The following FRMPD3 variants were observed in gnomAD, a reference collection of about 807,000 sequenced individuals.
The protein encoded by FRMPD3 is FERM and PDZ domain-containing protein 3.
FRMPD3 carries 42 observed loss-of-function variants against 97.9 expected under a neutral mutation model. That is an observed-to-expected ratio of 0.43 (90% CI 0.34 to 0.55). The LOEUF (loss-of-function observed/expected upper bound fraction) is 0.55, where lower values mean the gene tolerates loss of function less well. Among genes scored for constraint, FRMPD3 ranks in the 20% least tolerant of loss-of-function variants. The pLI, the probability that FRMPD3 is intolerant of heterozygous loss-of-function variation, is 0.03. For synonymous variants in FRMPD3, 577 were observed against 581.1 expected (o/e 0.99, Z 0.10); for missense variants, 1,303 against 1,457.7 (o/e 0.89, Z 1.73).
intron 8 of FRMPD3, among the ~76,000 whole-genome samples, chrX:107,557,794 T>C (rs1401234816): frequency 1.8e-5 from 1 of 54,186 alleles, no homozygotes; most frequent in East Asian, 5.6e-4. Flanking sequence ...AAAAATCTGT[T>C]GTCTATATAT....
chrX:107,487,105 AT>A (rs1226298195), intron 1 of FRMPD3, among the ~76,000 whole-genome samples: 27 of 108,078 alleles, frequency 2.5e-4, no homozygotes, highest in African/African-American at 8.1e-4. Context: ...AAAAAAAAAA[AT>A]AACTGAGCGT....
In FRMPD3 at chrX:107,601,839, A is replaced by C; in HGVS notation, c.3800A>C (p.Tyr1267Ser). 11 of 1,210,212 alleles carry C rather than the reference A, an allele frequency of 9.1e-6. No individual in the cohort carries two copies. Among genetic ancestry groups the C allele is most frequent in the Non-Finnish European group, 1.2e-5 (11 of 895,050 alleles). ...CAGGGGGAGCTGCCAGGCACCGAGTACCTGCAACCTCCAGCACCTGGCCGC... is the reference window on the plus strand; with the variant it reads ...CAGGGGGAGCTGCCAGGCACCGAGTCCCTGCAACCTCCAGCACCTGGCCGC... ...PSQGELPGTE[Y>S]LQPPAPGRCS... Residue 1267 changes from tyrosine to serine, a missense_variant, in exon 15 of 15, where the codon TAC becomes TCC. Coordinates refer to ENST00000683843, the MANE Select transcript of FRMPD3 (RefSeq NM_001388459.1).
At chrX:107,540,670 C>T (rs985301394) in intron 4 of FRMPD3, among the ~76,000 whole-genome samples, 7 of 111,550 alleles carry the variant, frequency 6.3e-5, no homozygotes, top group Non-Finnish European at 1.3e-4. Flanking sequence ...AGAAAGGGTG[C>T]CTGTTGCAAA....
At position 107,563,144 on chromosome X, in the gene FRMPD3, C is replaced by T; in HGVS notation, c.1060C>T (p.Arg354Ter). 2.5e-6 allele frequency: 3 copies of T among 1,210,081 alleles called. No homozygotes were observed. Among genetic ancestry groups the T allele is most frequent in the Non-Finnish European group, 3.4e-6 (3 of 894,860 alleles). ...SAIQAKLQYL[R>*]ILNELPTFTG... is the part of the protein sequence containing the mutation. The stretch of plus-strand genomic sequence containing the variant: ...AATTCAGGCAAAGCTCCAGTATCTA[C>T]GAATTCTGAATGAACTTCCTACCTT... The change falls in exon 11 of 15, where the codon CGA becomes TGA. Residue 354 changes from arginine (R) to a stop codon, truncating the protein, a stop_gained. Transcript: ENST00000683843. LOFTEE classifies it high-confidence loss of function.
chrX:107,530,364 C>A (rs1485061397), intron 2 of FRMPD3, 45 bp from the exon 3 acceptor site: 1 of 1,065,777 alleles, frequency 9.4e-7, no homozygotes, highest in Admixed American at 2.6e-5. Context: ...TGGACTTTCC[C>A]AGCAGTAACC....
chrX:107,545,609 ATTTG>A, intron 4 of FRMPD3, 124 bp from the exon 5 acceptor site: 2 of 472,320 alleles, frequency 4.2e-6, no homozygotes, highest in Non-Finnish European at 3.6e-6. Flanking sequence ...GGTAATTAAT[ATTTG>A]TTTATTGACT....
At chrX:107,533,650 T>TCTG in intron 4 of FRMPD3, 100 bp downstream of exon 4, 1 of 727,476 alleles carries the variant, frequency 1.4e-6, no homozygotes, top group Non-Finnish European at 2.1e-6. Flanking sequence ...GTTCAGAGAC[T>TCTG]ACAACCAACA....
chrX:107,541,097 T>C (rs764922005), intron 4 of FRMPD3, among the ~76,000 whole-genome samples: 1 of 113,466 alleles, frequency 8.8e-6, no homozygotes, highest in Non-Finnish European at 1.9e-5. Context: ...AAACAGGTGG[T>C]GAGCAAGATT....
chrX:107,520,497 A>AC (rs199600421), intron 1 of FRMPD3, among the ~76,000 whole-genome samples: 2,500 of 109,743 alleles, frequency 0.023, 55 homozygotes, highest in South Asian at 0.15. Flanking sequence ...AAAAAAAAAA[A>AC]ACACACACAA....
rs1447626216 is a variant in FRMPD3 at position 107,603,555 on chromosome X, GCTGCCGCCCTGGGTGTCCTCACCCCTTCC to G, written c.*186_*214del. On this transcript the variant is annotated 3_prime_UTR_variant, in exon 15 of 15. Transcript: ENST00000683843. ...CTCTCTCTTAAGGGCTGCAGGCTTA[GCTGCCGCCCTGGGTGTCCTCACCCCTTCC>G]CTGGCCTCTGGGCCTCACTGTGAGG... is the stretch of plus-strand genomic sequence containing the variant. 4 of 943,859 alleles carry G rather than the reference GCTGCCGCCCTGGGTGTCCTCACCCCTTCC, an allele frequency of 4.2e-6. No individual in the cohort carries two copies. Among genetic ancestry groups the G allele is most frequent in the Non-Finnish European group, 5.5e-6 (4 of 720,867 alleles). The allele number at this position is 943,859 out of a possible 1,213,427, so 77.8% of individuals were successfully genotyped here.
At chrX:107,460,755 C>G (rs1330100223) in intron 1 of FRMPD3, among the ~76,000 whole-genome samples, 2 of 111,257 alleles carry the variant, frequency 1.8e-5, no homozygotes, top group African/African-American at 6.5e-5. Context: ...GAATCTGGAT[C>G]TCGCTTTTGT....
At chrX:107,505,238 G>C (rs1442526877) in intron 1 of FRMPD3, among the ~76,000 whole-genome samples, 1 of 112,251 alleles carries the variant, frequency 8.9e-6, no homozygotes, top group Non-Finnish European at 1.9e-5. Flanking sequence ...CATGAAGTAG[G>C]ATAAGAAGGT....
At chrX:107,538,950 C>T (rs1921154641) in intron 4 of FRMPD3, among the ~76,000 whole-genome samples, 1 of 112,659 alleles carries the variant, frequency 8.9e-6, no homozygotes, top group African/African-American at 3.2e-5. Context: ...TGAGCCACCA[C>T]ACCTGGCCTG....
chrX:107,520,774 A>G (rs981297559), intron 1 of FRMPD3, among the ~76,000 whole-genome samples: 3 of 112,245 alleles, frequency 2.7e-5, no homozygotes, highest in African/African-American at 9.7e-5. Context: ...GCCACACAAT[A>G]TATATAGTTG....
intron 1 of FRMPD3, among the ~76,000 whole-genome samples, chrX:107,486,248 A>G (rs1172614404): frequency 8.9e-6 from 1 of 112,150 alleles, no homozygotes; most frequent in Admixed American, 9.4e-5. Context: ...CAACTGTTCC[A>G]GATATTTCTC....
chrX:107,579,500 T>G (rs1484507481), intron 13 of FRMPD3, among the ~76,000 whole-genome samples: 1 of 112,220 alleles, frequency 8.9e-6, no homozygotes, highest in Non-Finnish European at 1.9e-5. Context: ...GTCCTTATGA[T>G]CCTTGCCCTC....
chrX:107,499,260 G>A (rs779579913), intron 1 of FRMPD3, among the ~76,000 whole-genome samples: 304 of 112,155 alleles, frequency 2.7e-3, no homozygotes, highest in Non-Finnish European at 3.8e-3. Context: ...GGATAAGTAG[G>A]AGATTGCCAG....
chrX:107,453,914 C>T (rs1332649293), intron 1 of FRMPD3, among the ~76,000 whole-genome samples: 1 of 111,610 alleles, frequency 9.0e-6, no homozygotes, highest in Non-Finnish European at 1.9e-5. Flanking sequence ...TAACGTGGGG[C>T]GGGGAAAGGA....
chrX:107,495,717 G>T (rs1412430795), intron 1 of FRMPD3, among the ~76,000 whole-genome samples: 1 of 111,959 alleles, frequency 8.9e-6, no homozygotes, highest in East Asian at 2.8e-4. Context: ...AATGTTCCTG[G>T]TTCTCAATCC....
Sources: gnomAD v4.1 joint callset for allele counts (sites outside exome capture counted in the v4.1 genomes callset) on GRCh38, gnomAD v4.1.1 for gene constraint, MANE v1.5 for transcripts, NCBI Gene and HGNC (gene_info 2026-07-23, HGNC 2026-07-21) for gene names.